SCN2A: variants seen among roughly 807,000 people sequenced by gnomAD.
The protein encoded by SCN2A is sodium channel protein type 2 subunit alpha.
Under a neutral mutation model 188.7 loss-of-function variants are expected in SCN2A, and 20 were observed. The observed-to-expected ratio is 0.11, with a 90% confidence interval of 0.07 to 0.15. The LOEUF is 0.15. Ranked by LOEUF, SCN2A falls within the 10% of genes least tolerant of loss-of-function variation. The pLI is 1.00. For synonymous variants in SCN2A, 804 were observed against 833.1 expected, an observed-to-expected ratio of 0.97 and a Z score of 0.60; for missense variants, 1,278 against 2,445.0, an observed-to-expected ratio of 0.52 and a Z score of 10.07.
At chr2:165,309,722 A>G (rs1337244233) in intron 6 of SCN2A, among the ~76,000 whole-genome samples, 2 of 152,176 alleles carry the variant, frequency 1.3e-5, no homozygotes, top group African/African-American at 4.8e-5. Flanking sequence ...AGCTTTCCGC[A>G]TAGAAGCTAG....
At chr2:165,281,461 A>G (rs961533510) in intron 1 of SCN2A, among the ~76,000 whole-genome samples, 35 of 151,982 alleles carry the variant, frequency 2.3e-4, no homozygotes, top group Non-Finnish European at 7.4e-5. Flanking sequence ...GATGAAAGCA[A>G]GTGCAAAGCC....
intron 3 of SCN2A, among the ~76,000 whole-genome samples, chr2:165,304,088 C>T (rs1354008068): frequency 6.6e-6 from 1 of 151,940 alleles, no homozygotes; most frequent in Non-Finnish European, 1.5e-5. Context: ...AATGTAGAAA[C>T]TTGTGTAAAC....
intron 1 of SCN2A, chr2:165,293,799 G>T (rs1169048721): frequency 2.0e-6 from 2 of 979,534 alleles, no homozygotes; most frequent in Non-Finnish European, 2.4e-6. Context: ...AGAAAAGCCT[G>T]TGGAAGATCA....
At chr2:165,308,039 A>G (rs1574553240) in intron 4 of SCN2A, 102 bp downstream of exon 4, 9 of 819,400 alleles carry the variant, frequency 1.1e-5, no homozygotes, top group East Asian at 4.9e-5. Context: ...CATGCTAGCT[A>G]CTGTTAACCA....
Position 165,389,885 on chromosome 2 carries a change from T to C in SCN2A, c.*61T>C, listed in dbSNP as rs1306788180. On this transcript the variant is annotated 3_prime_UTR_variant, in exon 27 of 27. Transcript: ENST00000375437. This position sits in a 1 kb window ranked among gnomAD's most constrained non-coding sequence, Gnocchi z 4.2. ...GTTTACAGCCCGTGATGGTGATGTG[T>C]TTGTGTCAACAGGACTCCCACAGGA... The C allele has an allele frequency of 3.9e-6, 6 of 1,541,340 alleles. No homozygotes were observed. The Admixed American group carries it at 5.9e-5, about 15-fold the overall frequency.
chr2:165,299,759 C>T (rs1696702345), intron 3 of SCN2A, among the ~76,000 whole-genome samples: 1 of 152,144 alleles, frequency 6.6e-6, no homozygotes. Flanking sequence ...GTGTCTTTTA[C>T]TGTAAGTTAA....
At chr2:165,362,688 G>A (rs1322349966) in intron 17 of SCN2A, among the ~76,000 whole-genome samples, 1 of 151,964 alleles carries the variant, frequency 6.6e-6, no homozygotes, top group Non-Finnish European at 1.5e-5. Flanking sequence ...ATCCATATTG[G>A]TGTATTATCC....
chr2:165,273,444 G>A (rs1695190576), intron 1 of SCN2A: 1 of 152,072 alleles, frequency 6.6e-6, no homozygotes, highest in African/African-American at 2.4e-5. Context: ...TGGTTATAGT[G>A]CCAACACAAA....
chr2:165,287,307 A>C (rs1407569246), intron 1 of SCN2A, among the ~76,000 whole-genome samples: 1 of 152,156 alleles, frequency 6.6e-6, no homozygotes, highest in Non-Finnish European at 1.5e-5. Context: ...GTGATCTGCC[A>C]GCACTTGGGA....
chr2:165,311,768 A>G (rs1697441534), intron 7 of SCN2A, among the ~76,000 whole-genome samples: 1 of 152,082 alleles, frequency 6.6e-6, no homozygotes, highest in Non-Finnish European at 1.5e-5. Context: ...ATGAATGCTG[A>G]TATAAGAATG....
chr2:165,389,894 A>G lies in SCN2A; in HGVS notation c.*70A>G. The G allele has an allele frequency of 6.5e-7, 1 of 1,537,728 alleles. No individual in the cohort carries two copies. The highest frequency in any genetic ancestry group is 1.2e-5 in the South Asian group (1 of 82,688). On this transcript the variant is annotated 3_prime_UTR_variant, in exon 27 of 27. Transcript: ENST00000375437. The surrounding 1 kb of genome is among the most constrained non-coding windows in gnomAD (Gnocchi z 4.2). ...CCGTGATGGTGATGTGTTTGTGTCA[A>G]CAGGACTCCCACAGGAGGTCTATGC...
chr2:165,370,552 G>T, intron 20 of SCN2A: 1 of 399,268 alleles, frequency 2.5e-6, no homozygotes, highest in Non-Finnish European at 4.5e-6. Context: ...AAAATCTCAA[G>T]TTATGCAAAA....
At chr2:165,254,973 T>A (rs974668164) in intron 1 of SCN2A, among the ~76,000 whole-genome samples, 15 of 151,994 alleles carry the variant, frequency 9.9e-5, no homozygotes, top group Admixed American at 9.8e-4. Context: ...TTTGTTGATA[T>A]ATTTTTGTCC....
At chr2:165,381,267 G>T in intron 25 of SCN2A, 70 bp downstream of exon 25, 1 of 1,120,084 alleles carries the variant, frequency 8.9e-7, no homozygotes, top group Non-Finnish European at 1.3e-6. Flanking sequence ...CGAATTTCTA[G>T]AAACTAGTTA....
intron 3 of SCN2A, among the ~76,000 whole-genome samples, chr2:165,299,782 A>T (rs1324244726): frequency 6.6e-6 from 1 of 152,128 alleles, no homozygotes; most frequent in Non-Finnish European, 1.5e-5. Flanking sequence ...ATGCTTGGAG[A>T]GATGGTCATG....
In SCN2A at chr2:165,309,374, C is replaced by G. The variant is rs764647930; in HGVS notation, c.628C>G (p.Leu210Val). Residue 210 changes from leucine to valine, a missense_variant, in exon 6 of 27, where the codon CTG becomes GTG. Coordinates refer to ENST00000375437, the MANE Select transcript of SCN2A (RefSeq NM_001040142.2). ...TFAYVTEFVD[L>V]GNVSALRTFR... ...CAGATATGTGACAGAGTTTGTGGAC[C>G]TGGGCAATGTCTCAGCGTTGAGAAC... The G allele has an allele frequency of 3.7e-6, 6 of 1,613,482 alleles. No individual in the cohort carries two copies. Among genetic ancestry groups the G allele is most frequent in the Non-Finnish European group, 5.1e-6 (6 of 1,179,710 alleles).
intron 1 of SCN2A, chr2:165,267,054 A>C (rs1438075399): frequency 6.6e-6 from 1 of 152,100 alleles, no homozygotes; most frequent in Non-Finnish European, 1.5e-5. Context: ...GGAAAGAATT[A>C]ATGTTCTTAA....
rs763941575 is a variant in SCN2A at position 165,388,987 on chromosome 2, A to G, written c.5181A>G (p.Gly1727=). 3.1e-6 allele frequency: 5 copies of G among 1,613,952 alleles called. No homozygotes were observed. The highest frequency in any genetic ancestry group is 4.5e-5 in the East Asian group (2 of 44,890). Residue 1727 remains glycine (G), a synonymous_variant, in exon 27 of 27, where the codon GGA becomes GGG. Transcript: ENST00000375437. ...TGCTAGCACCTATTCTTAATAGTGG[A>G]CCTCCAGACTGTGACCCTGACAAAG... ...DGLLAPILNS[G]PPDCDPDKDH...
At chr2:165,263,285 C>A (rs2106090473) in intron 1 of SCN2A, among the ~76,000 whole-genome samples, 1 of 152,058 alleles carries the variant, frequency 6.6e-6, no homozygotes, top group South Asian at 2.1e-4. Context: ...GTTGCACTTG[C>A]TTTTGGGTTT....
Sources: allele counts gnomAD v4.1 joint callset (sites outside exome capture counted in the v4.1 genomes callset), GRCh38; gene constraint gnomAD v4.1.1; non-coding constraint Gnocchi (gnomAD v3.1); transcripts MANE v1.5; gene names NCBI Gene and HGNC (gene_info 2026-07-23, HGNC 2026-07-21).